Variants in NDUFA10 observed in about 807,000 individuals in gnomAD.
NDUFA10 encodes the protein NADH:ubiquinone oxidoreductase subunit A10.
In NDUFA10, 40 loss-of-function variants were observed where a neutral mutation model predicts 47.8. That is an observed-to-expected ratio of 0.84 (90% CI 0.65 to 1.09). The LOEUF is 1.09. Ranked by LOEUF, NDUFA10 falls within the 50% of genes least tolerant of loss-of-function variation. The probability of loss-of-function intolerance (pLI) is 0.00; values close to 1 mark genes in which losing one functional copy is unlikely to be tolerated. For synonymous variants in NDUFA10, 183 were observed against 172.2 expected (o/e 1.06, Z -0.49); for missense variants, 413 against 451.1 (o/e 0.92, Z 0.76).
intron 9 of NDUFA10, among the ~76,000 whole-genome samples, chr2:239,975,996 T>G (rs1695501979): frequency 1.3e-5 from 2 of 152,320 alleles, no homozygotes. Flanking sequence ...GTCTCTGTTT[T>G]AAAATTTATC....
intron 5 of NDUFA10, among the ~76,000 whole-genome samples, chr2:239,893,304 C>T (rs938379394): frequency 3.3e-5 from 5 of 152,092 alleles, no homozygotes; most frequent in Admixed American, 6.5e-5. Flanking sequence ...CTGATTGGCC[C>T]AGCGTGGACC....
intron 2 of NDUFA10, 90 bp downstream of exon 2, chr2:240,022,082 T>C: frequency 1.9e-6 from 2 of 1,030,160 alleles, no homozygotes; most frequent in Non-Finnish European, 2.6e-6. Context: ...TATTTAATAT[T>C]ATTTAATATT....
chr2:239,925,096 G>A (rs1031291102), intron 4 of NDUFA10, among the ~76,000 whole-genome samples: 6 of 152,058 alleles, frequency 3.9e-5, no homozygotes, highest in Non-Finnish European at 8.8e-5. Context: ...TTCATGAATT[G>A]GAAAACTCAA....
intron 4 of NDUFA10, among the ~76,000 whole-genome samples, chr2:240,018,083 C>T (rs748567394): frequency 2.6e-5 from 4 of 152,170 alleles, no homozygotes; most frequent in Non-Finnish European, 5.9e-5. Flanking sequence ...CCCAATACAG[C>T]AACACAAAGC....
intron 4 of NDUFA10, among the ~76,000 whole-genome samples, chr2:239,927,886 G>A (rs555361680): frequency 1.3e-5 from 2 of 152,344 alleles, no homozygotes; most frequent in South Asian, 2.1e-4. Context: ...CAAGGCTGGT[G>A]GGCCCATCAC....
At chr2:239,898,983 ATGGAGAGGTG>A (rs1693462407) in intron 4 of NDUFA10, among the ~76,000 whole-genome samples, 1 of 90,448 alleles carries the variant, frequency 1.1e-5, no homozygotes, top group Admixed American at 1.3e-4. Flanking sequence ...AAGAGGTATG[ATGGAGAGGTG>A]TGATGGAGAG....
At chr2:239,923,941 T>C (rs1694029094) in intron 4 of NDUFA10, among the ~76,000 whole-genome samples, 1 of 152,114 alleles carries the variant, frequency 6.6e-6, no homozygotes. Flanking sequence ...CCTGCAGCCA[T>C]TAAAAGGAGC....
intron 4 of NDUFA10, among the ~76,000 whole-genome samples, chr2:239,940,047 T>A (rs1694336695): frequency 6.6e-6 from 1 of 152,202 alleles, no homozygotes; most frequent in South Asian, 2.1e-4. Context: ...TCCCACCGCC[T>A]CTGAGGAACC....
At chr2:240,022,819 G>GA (rs1336371292) in intron 1 of NDUFA10, among the ~76,000 whole-genome samples, 1 of 152,116 alleles carries the variant, frequency 6.6e-6, no homozygotes, top group Non-Finnish European at 1.5e-5. Flanking sequence ...TAGATGTCCT[G>GA]AAGGCACCTG....
intron 5 of NDUFA10, chr2:240,014,474 G>C (rs748481790): frequency 2.0e-6 from 1 of 492,216 alleles, no homozygotes; most frequent in Non-Finnish European, 3.7e-6. Context: ...AGCCTCCCAA[G>C]TTTAAACAGC....
At chr2:240,022,386 T>G (rs1390132108) in intron 1 of NDUFA10, 46 bp from the exon 2 acceptor site, 3 of 1,613,114 alleles carry the variant, frequency 1.9e-6, no homozygotes, top group Non-Finnish European at 2.5e-6. Flanking sequence ...ACCACTCTGG[T>G]TCCTGTAGGC....
intron 9 of NDUFA10, among the ~76,000 whole-genome samples, chr2:239,980,045 C>A (rs564805266): frequency 1.3e-5 from 2 of 152,164 alleles, no homozygotes; most frequent in Admixed American, 6.5e-5. Flanking sequence ...CAGTCCCCTG[C>A]GTCAGGTGCC....
At chr2:239,936,747 G>A (rs374074081) in intron 4 of NDUFA10, among the ~76,000 whole-genome samples, 2 of 152,194 alleles carry the variant, frequency 1.3e-5, no homozygotes, top group African/African-American at 4.8e-5. Flanking sequence ...GAGGTCAGGC[G>A]TTCAAGACCA....
At chr2:239,978,910 T>G (rs1331260433) in intron 9 of NDUFA10, among the ~76,000 whole-genome samples, 1 of 152,216 alleles carries the variant, frequency 6.6e-6, no homozygotes, top group Non-Finnish European at 1.5e-5. Flanking sequence ...AAGGAGTTTC[T>G]GCTTATAAAA....
chr2:240,009,080 G>A (rs1697048218), intron 6 of NDUFA10, among the ~76,000 whole-genome samples: 3 of 152,160 alleles, frequency 2.0e-5, no homozygotes, highest in South Asian at 2.1e-4. Context: ...GCTCAGGGCC[G>A]AGGAGAGCCA....
intron 8 of NDUFA10, among the ~76,000 whole-genome samples, chr2:240,003,826 C>T (rs112865608): frequency 6.6e-6 from 1 of 152,060 alleles, no homozygotes; most frequent in Non-Finnish European, 1.5e-5. Flanking sequence ...ATGAGATTCC[C>T]GGGTGGCCAG....
intron 8 of NDUFA10, among the ~76,000 whole-genome samples, chr2:239,998,909 A>G (rs1230408495): frequency 6.6e-6 from 1 of 152,262 alleles, no homozygotes; most frequent in South Asian, 2.1e-4. Flanking sequence ...ATTCACTGTG[A>G]TAAATCTTAT....
At chr2:239,971,205 G>A (rs1243978459) in intron 9 of NDUFA10, among the ~76,000 whole-genome samples, 2 of 152,232 alleles carry the variant, frequency 1.3e-5, no homozygotes, top group Non-Finnish European at 2.9e-5. Flanking sequence ...TAACTTGATA[G>A]TAGATATATC....
chr2:239,896,752 C>T (rs1004755442), intron 4 of NDUFA10, among the ~76,000 whole-genome samples: 1 of 152,114 alleles, frequency 6.6e-6, no homozygotes, highest in African/African-American at 2.4e-5. Flanking sequence ...GGGGAAAATG[C>T]CCGATCCGTG....
Sources: allele counts gnomAD v4.1 joint callset (sites outside exome capture counted in the v4.1 genomes callset), GRCh38; gene constraint gnomAD v4.1.1; transcripts MANE v1.5; gene names NCBI Gene and HGNC (gene_info 2026-07-23, HGNC 2026-07-21).